Variants in CCSER1 observed in about 807,000 individuals in gnomAD.
The protein encoded by CCSER1 is serine-rich coiled-coil domain-containing protein 1.
A neutral mutation model predicts 82.0 loss-of-function variants in CCSER1; 41 were observed. That is an observed-to-expected ratio of 0.50 (90% CI 0.39 to 0.65). The LOEUF is 0.65. CCSER1 is among the 30% of genes least tolerant of loss of function. The pLI, the probability that CCSER1 is intolerant of heterozygous loss-of-function variation, is 0.00. For missense variants in CCSER1, 1,119 were observed against 1,064.2 expected, an observed-to-expected ratio of 1.05 and a Z score of -0.72; for synonymous variants, 414 against 383.9, an observed-to-expected ratio of 1.08 and a Z score of -0.92.
intron 5 of CCSER1, among the ~76,000 whole-genome samples, chr4:90,616,551 A>T (rs1315842297): frequency 6.6e-6 from 1 of 151,676 alleles, no homozygotes; most frequent in Non-Finnish European, 1.5e-5. Context: ...CGGGTGTGGT[A>T]GCACACGCCT....
chr4:90,779,264 T>C (rs960412464), intron 7 of CCSER1, among the ~76,000 whole-genome samples: 1 of 152,246 alleles, frequency 6.6e-6, no homozygotes, highest in Non-Finnish European at 1.5e-5. Flanking sequence ...TGTTCTCTTT[T>C]ACATATTCAG....
intron 10 of CCSER1, among the ~76,000 whole-genome samples, chr4:91,220,806 G>A (rs1341270329): frequency 6.6e-6 from 1 of 152,044 alleles, no homozygotes; most frequent in African/African-American, 2.4e-5. Flanking sequence ...ATAACTATAT[G>A]AGATGATACA....
intron 10 of CCSER1, among the ~76,000 whole-genome samples, chr4:91,491,977 A>C (rs555201539): frequency 6.8e-6 from 1 of 147,338 alleles, no homozygotes; most frequent in South Asian, 2.2e-4. Context: ...GCAATGCGGC[A>C]ATGTATCTAA....
chr4:90,690,417 G>T (rs886156554), intron 6 of CCSER1, among the ~76,000 whole-genome samples: 1 of 152,056 alleles, frequency 6.6e-6, no homozygotes, highest in African/African-American at 2.4e-5. Context: ...TCACCGCTTA[G>T]AGAAAGGTTT....
At chr4:91,245,000 G>A (rs921139553) in intron 10 of CCSER1, among the ~76,000 whole-genome samples, 1 of 151,952 alleles carries the variant, frequency 6.6e-6, no homozygotes, top group Admixed American at 6.6e-5. Context: ...GCATACTGAA[G>A]AATGCATTAG....
intron 5 of CCSER1, among the ~76,000 whole-genome samples, chr4:90,562,140 A>C (rs1390024669): frequency 1.3e-5 from 2 of 150,802 alleles, no homozygotes; most frequent in Non-Finnish European, 2.9e-5. Context: ...CAGTGAGCCC[A>C]GATTATGCCA....
intron 7 of CCSER1, chr4:90,781,708 A>G (rs1226985439): frequency 1.0e-6 from 1 of 970,614 alleles, no homozygotes; most frequent in Non-Finnish European, 1.2e-6. Flanking sequence ...AATATCTGCA[A>G]TTTTCCCAGT....
At chr4:90,950,619 G>A (rs1195173216) in intron 9 of CCSER1, among the ~76,000 whole-genome samples, 1 of 152,058 alleles carries the variant, frequency 6.6e-6, no homozygotes, top group Non-Finnish European at 1.5e-5. Flanking sequence ...TTTGGTACAG[G>A]CTTTTGTGTA....
At chr4:90,498,455 AT>A (rs1769359648) in intron 5 of CCSER1, among the ~76,000 whole-genome samples, 1 of 152,164 alleles carries the variant, frequency 6.6e-6, no homozygotes, top group Non-Finnish European at 1.5e-5. Context: ...AAACACTGAC[AT>A]TTACATAGTT....
chr4:90,471,665 TC>T (rs1009083576), intron 5 of CCSER1, among the ~76,000 whole-genome samples: 2 of 151,516 alleles, frequency 1.3e-5, no homozygotes, highest in Admixed American at 1.3e-4. Flanking sequence ...ATTTTGGATT[TC>T]CCATAAGAAA....
intron 3 of CCSER1, among the ~76,000 whole-genome samples, chr4:90,332,030 A>G (rs1408935291): frequency 5.9e-5 from 9 of 152,104 alleles, no homozygotes; most frequent in Admixed American, 2.0e-4. Context: ...AAATAAAAGC[A>G]TTACTGAAAA....
At chr4:90,189,532 GTATA>G (rs1228154754) in intron 1 of CCSER1, among the ~76,000 whole-genome samples, 1 of 151,570 alleles carries the variant, frequency 6.6e-6, no homozygotes, top group Non-Finnish European at 1.5e-5. Flanking sequence ...GTGTATGTAT[GTATA>G]TATATAGATG....
At chr4:91,385,548 T>C (rs1751232211) in intron 10 of CCSER1, among the ~76,000 whole-genome samples, 1 of 150,696 alleles carries the variant, frequency 6.6e-6, no homozygotes, top group Non-Finnish European at 1.5e-5. Context: ...TTTAAAGAGA[T>C]AGGAAGTAAA....
At chr4:90,616,719 ACACACACACACACACACAC>A (rs1159332612) in intron 5 of CCSER1, among the ~76,000 whole-genome samples, 6 of 122,186 alleles carry the variant, frequency 4.9e-5, no homozygotes, top group African/African-American at 2.2e-4. Flanking sequence ...ACACACACAC[ACACACACACACACACACAC>A]AAATAAAATA....
intron 9 of CCSER1, among the ~76,000 whole-genome samples, chr4:91,066,051 G>A (rs1561516876): frequency 6.6e-6 from 1 of 152,118 alleles, no homozygotes; most frequent in Non-Finnish European, 1.5e-5. Context: ...GTAATATTTT[G>A]TATATTCCCA....
At chr4:91,175,949 A>G (rs1164708805) in intron 10 of CCSER1, among the ~76,000 whole-genome samples, 1 of 152,118 alleles carries the variant, frequency 6.6e-6, no homozygotes, top group African/African-American at 2.4e-5. Flanking sequence ...TGGGGTTTTT[A>G]TGGCTTAGGT....
At chr4:91,565,732 G>A (rs1416052150) in intron 10 of CCSER1, among the ~76,000 whole-genome samples, 1 of 152,010 alleles carries the variant, frequency 6.6e-6, no homozygotes, top group African/African-American at 2.4e-5. Context: ...ATGCTAGTGA[G>A]GCTGTACATT....
At chr4:91,579,117 T>A (rs1265386030) in intron 10 of CCSER1, among the ~76,000 whole-genome samples, 18 of 151,356 alleles carry the variant, frequency 1.2e-4, no homozygotes, top group Admixed American at 1.1e-3. Context: ...CTATTATTAT[T>A]ATATTATTAT....
At chr4:90,959,358 G>A (rs1353468868) in intron 9 of CCSER1, among the ~76,000 whole-genome samples, 6 of 152,104 alleles carry the variant, frequency 3.9e-5, no homozygotes, top group South Asian at 2.1e-4. Flanking sequence ...CTCTATGCCA[G>A]GCACTTGGTC....
Sources: gnomAD v4.1 joint callset for allele counts (sites outside exome capture counted in the v4.1 genomes callset) on GRCh38, gnomAD v4.1.1 for gene constraint, MANE v1.5 for transcripts, NCBI Gene and HGNC (gene_info 2026-07-23, HGNC 2026-07-21) for gene names.